WDPCP: variants seen among roughly 807,000 people sequenced by gnomAD.
The protein encoded by WDPCP is WD repeat-containing and planar cell polarity effector protein fritz homolog.
A neutral mutation model predicts 93.1 loss-of-function variants in WDPCP; 71 were observed. That is an observed-to-expected ratio of 0.76 (90% CI 0.63 to 0.93). The LOEUF (loss-of-function observed/expected upper bound fraction) is 0.93, where lower values mean the gene tolerates loss of function less well. Among genes scored for constraint, WDPCP ranks in the 40% least tolerant of loss-of-function variants. The probability of loss-of-function intolerance (pLI) is 0.00; values close to 1 mark genes in which losing one functional copy is unlikely to be tolerated. For synonymous variants in WDPCP, 315 were observed against 315.0 expected (o/e 1.00, Z 0.00); for missense variants, 844 against 887.4 (o/e 0.95, Z 0.62).
At chr2:63,356,914 G>T (rs1282575748) in intron 12 of WDPCP, among the ~76,000 whole-genome samples, 1 of 152,146 alleles carries the variant, frequency 6.6e-6, no homozygotes, top group African/African-American at 2.4e-5. Context: ...CGTGCTACTG[G>T]TATAAAAACA....
chr2:63,338,367 C>T (rs1343663475), intron 12 of WDPCP, among the ~76,000 whole-genome samples: 1 of 151,492 alleles, frequency 6.6e-6, no homozygotes, highest in Non-Finnish European at 1.5e-5. Flanking sequence ...GCCTGGCCAA[C>T]ATGGTGAAAC....
At chr2:63,624,136 T>G (rs1415001517) in intron 3 of WDPCP, among the ~76,000 whole-genome samples, 1 of 152,166 alleles carries the variant, frequency 6.6e-6, no homozygotes, top group Non-Finnish European at 1.5e-5. Context: ...CTGAAGCCAA[T>G]GAGAACAAAG....
intron 1 of WDPCP, among the ~76,000 whole-genome samples, chr2:63,541,781 C>G (rs929006715): frequency 1.6e-4 from 25 of 152,104 alleles, no homozygotes; most frequent in African/African-American, 5.8e-4. Context: ...TTCCAAATCT[C>G]TTTGGGCTAC....
At chr2:63,464,674 A>C (rs1007941416) in intron 6 of WDPCP, among the ~76,000 whole-genome samples, 1 of 152,104 alleles carries the variant, frequency 6.6e-6, no homozygotes, top group African/African-American at 2.4e-5. Flanking sequence ...AAAAATGTAG[A>C]TACCCATACA....
At chr2:63,646,703 C>T (rs1710054812) in intron 3 of WDPCP, among the ~76,000 whole-genome samples, 1 of 152,092 alleles carries the variant, frequency 6.6e-6, no homozygotes, top group South Asian at 2.1e-4. Context: ...CTTTGTTTTT[C>T]CTTCAGCATT....
At chr2:63,564,514 T>G (rs1706874822) in intron 1 of WDPCP, 1 of 152,154 alleles carries the variant, frequency 6.6e-6, no homozygotes, top group South Asian at 2.1e-4. Context: ...GTGGGGAACC[T>G]CCTTCTTACG....
At chr2:63,451,045 T>C (rs931064383) in intron 6 of WDPCP, among the ~76,000 whole-genome samples, 2 of 151,918 alleles carry the variant, frequency 1.3e-5, no homozygotes, top group Admixed American at 6.6e-5. Flanking sequence ...AAAAGTATGA[T>C]ACTAAAGAAG....
intron 12 of WDPCP, among the ~76,000 whole-genome samples, chr2:63,332,108 A>G (rs1388937153): frequency 4.0e-5 from 6 of 150,474 alleles, no homozygotes; most frequent in South Asian, 2.1e-4. Flanking sequence ...GTGTGTGTGT[A>G]TATATATGTA....
intron 12 of WDPCP, among the ~76,000 whole-genome samples, chr2:63,329,811 T>G (rs1350506576): frequency 1.3e-5 from 2 of 152,110 alleles, no homozygotes; most frequent in African/African-American, 4.8e-5. Context: ...GAGTGCAACT[T>G]TTTTTTGATT....
chr2:63,368,650 A>G (rs1421927810), intron 12 of WDPCP, among the ~76,000 whole-genome samples: 1 of 152,018 alleles, frequency 6.6e-6, no homozygotes, highest in Non-Finnish European at 1.5e-5. Context: ...AAAAAAAAAA[A>G]AAGGACTCAA....
At chr2:63,512,113 T>C (rs945534799) in intron 1 of WDPCP, among the ~76,000 whole-genome samples, 1 of 152,140 alleles carries the variant, frequency 6.6e-6, no homozygotes, top group South Asian at 2.1e-4. Context: ...AAGAAGACAT[T>C]TATGCAGCCA....
chr2:63,801,187 G>A lies in WDPCP; in HGVS notation n.308+12435C>T, dbSNP rs537499514. Reference sequence around the variant, plus strand: ...TCTCTCATAACTTTGCAGTCAATCTGTCAGCTGGGGCAGGAATCATATGAA... The same window carrying A: ...TCTCTCATAACTTTGCAGTCAATCTATCAGCTGGGGCAGGAATCATATGAA... On this transcript the variant is annotated intron_variant and non_coding_transcript_variant, in intron 2 of 4. Transcript: ENST00000467687. 1.2e-4 allele frequency among the ~76,000 whole-genome samples: 19 copies of A among 152,306 alleles called. No homozygotes were observed. The South Asian group carries it at 3.7e-3, about 30-fold the overall frequency.
intron 2 of WDPCP, among the ~76,000 whole-genome samples, chr2:63,807,977 T>A (rs1670793104): frequency 6.6e-6 from 1 of 152,184 alleles, no homozygotes; most frequent in East Asian, 1.9e-4. Flanking sequence ...ACAAAGGCAA[T>A]AACAGATTCA....
At chr2:63,734,382 A>C (rs1669608835) in intron 2 of WDPCP, among the ~76,000 whole-genome samples, 1 of 152,146 alleles carries the variant, frequency 6.6e-6, no homozygotes. Flanking sequence ...TTATATATAC[A>C]TATATATGCA....
chr2:63,188,687 C>T (rs975704806), intron 14 of WDPCP, among the ~76,000 whole-genome samples: 1 of 152,000 alleles, frequency 6.6e-6, no homozygotes, highest in Admixed American at 6.6e-5. Context: ...TTTGTTCATG[C>T]ATTGTCTTCC....
In WDPCP at chr2:63,605,230, T is replaced by C. The variant is rs775430886; in HGVS notation, n.488+45429A>G. On this transcript the variant is annotated intron_variant and non_coding_transcript_variant, in intron 3 of 4. Transcript: ENST00000467687. ...GGTCGACTTGGAATTAATGAAAACT[T>C]TGCTATCATGACCAAGTAATACTGC... 2.4e-6 allele frequency: 3 copies of C among 1,227,206 alleles called. No individual in the cohort carries two copies. In the African/African-American group the frequency reaches 4.5e-5, roughly 18 times the overall value. The allele number at this position is 1,227,206 out of a possible 1,614,324, so 76.0% of individuals were successfully genotyped here.
chr2:63,438,023 C>A (rs1336337618), intron 7 of WDPCP: 2 of 1,277,860 alleles, frequency 1.6e-6, no homozygotes. Context: ...AGTGAATCTT[C>A]TTTTAGGGGT....
chr2:63,617,506 A>G (rs987662851), intron 3 of WDPCP, among the ~76,000 whole-genome samples: 1 of 152,214 alleles, frequency 6.6e-6, no homozygotes, highest in Non-Finnish European at 1.5e-5. Context: ...CTAAGCAGCC[A>G]GGTGATTGAG....
intron 12 of WDPCP, among the ~76,000 whole-genome samples, chr2:63,340,200 A>C (rs1250208976): frequency 6.6e-6 from 1 of 152,056 alleles, no homozygotes; most frequent in East Asian, 1.9e-4. Flanking sequence ...TTTTTGGCTC[A>C]AGGTGGCTCT....
Sources: gnomAD v4.1 joint callset for allele counts (sites outside exome capture counted in the v4.1 genomes callset) on GRCh38, gnomAD v4.1.1 for gene constraint, MANE v1.5 for transcripts, NCBI Gene and HGNC (gene_info 2026-07-23, HGNC 2026-07-21) for gene names.